RPH3A: variants seen among roughly 807,000 people sequenced by gnomAD.
RPH3A encodes the protein rabphilin-3A.
In RPH3A, 48 loss-of-function variants were observed where a neutral mutation model predicts 102.2. The observed-to-expected ratio is 0.47, with a 90% CI of 0.37 to 0.60. The LOEUF (loss-of-function observed/expected upper bound fraction) is 0.60. RPH3A is among the 20% of genes least tolerant of loss of function. RPH3A has a pLI of 0.00. For synonymous variants in RPH3A, 310 were observed against 324.3 expected (o/e 0.96, Z 0.47); for missense variants, 781 against 910.1 (o/e 0.86, Z 1.83).
In RPH3A at chr12:112,791,903, A is replaced by AGAGG. The variant is rs1565882498; in HGVS notation, c.-247_-246insGGGA. On this transcript the variant is annotated 5_prime_UTR_variant, in exon 1 of 22. Coordinates refer to ENST00000389385, the MANE Select transcript of RPH3A (RefSeq NM_001143854.2). ...GAGAGAGAGAGAGAGAGAGAGAGAG[A>AGAGG]GACTCACAGAGCTAAAACCTTCATC... The AGAGG allele has an allele frequency of 1.3e-5, 2 of 150,206 alleles. No individual in the cohort carries two copies. The highest frequency in any genetic ancestry group is 6.6e-5 in the Admixed American group (1 of 15,116). The allele number at this position is 150,206 out of a possible 1,614,324, so 9.3% of individuals were successfully genotyped here.
chr12:112,732,368 C>T (rs2040640765), intron 1 of RPH3A, among the ~76,000 whole-genome samples: 1 of 152,220 alleles, frequency 6.6e-6, no homozygotes, highest in Admixed American at 6.5e-5. Flanking sequence ...CCCCGCTCTC[C>T]ATTTGCTAGC....
chr12:112,819,556 GT>G (rs1414551874), intron 2 of RPH3A, among the ~76,000 whole-genome samples: 4 of 152,242 alleles, frequency 2.6e-5, no homozygotes. Context: ...TCACCAGCCA[GT>G]TTTTGCTGTG....
chr12:112,696,507 G>T (rs928628072), intron 1 of RPH3A, among the ~76,000 whole-genome samples: 1 of 152,188 alleles, frequency 6.6e-6, no homozygotes, highest in Non-Finnish European at 1.5e-5. Context: ...TATGGTGAAG[G>T]TGGGACCTCT....
At chr12:112,707,353 G>A (rs199511113) in intron 1 of RPH3A, among the ~76,000 whole-genome samples, 3 of 152,096 alleles carry the variant, frequency 2.0e-5, no homozygotes, top group African/African-American at 7.2e-5. Context: ...TATGATAATT[G>A]GTTTAGATAC....
chr12:112,887,029 A>G (rs1368570230), intron 16 of RPH3A, among the ~76,000 whole-genome samples: 1 of 152,216 alleles, frequency 6.6e-6, no homozygotes, highest in Non-Finnish European at 1.5e-5. Flanking sequence ...ATAAAGAGTG[A>G]CCAGAACCTT....
At chr12:112,875,397 G>A (rs897223820) in intron 11 of RPH3A, among the ~76,000 whole-genome samples, 3 of 152,158 alleles carry the variant, frequency 2.0e-5, no homozygotes, top group Admixed American at 6.5e-5. Context: ...AGTGCAGAAA[G>A]TGATGGCACC....
At chr12:112,712,884 TC>T (rs1565856631) in intron 1 of RPH3A, among the ~76,000 whole-genome samples, 48 of 138,860 alleles carry the variant, frequency 3.5e-4, no homozygotes, top group South Asian at 1.3e-3. Context: ...TTTTTTTTCT[TC>T]TTCTTCTTCT....
At chr12:112,887,566 T>C (rs1361242701) in intron 16 of RPH3A, among the ~76,000 whole-genome samples, 7 of 152,218 alleles carry the variant, frequency 4.6e-5, no homozygotes, top group African/African-American at 1.2e-4. Context: ...TATATACAAA[T>C]GCAAGGGTTC....
At chr12:112,735,659 TA>T (rs1265677582) in intron 1 of RPH3A, among the ~76,000 whole-genome samples, 1 of 152,170 alleles carries the variant, frequency 6.6e-6, no homozygotes, top group Non-Finnish European at 1.5e-5. Flanking sequence ...CTGCCAGAGT[TA>T]GGCACCCAGA....
At chr12:112,687,925 C>T (rs2040278599) in intron 1 of RPH3A, among the ~76,000 whole-genome samples, 1 of 152,188 alleles carries the variant, frequency 6.6e-6, no homozygotes, top group Admixed American at 6.5e-5. Flanking sequence ...TATCTACTCC[C>T]TTTATATAAA....
At chr12:112,873,126 A>G (rs1363161383) in intron 10 of RPH3A, among the ~76,000 whole-genome samples, 1 of 152,208 alleles carries the variant, frequency 6.6e-6, no homozygotes, top group Non-Finnish European at 1.5e-5. Context: ...TCAAATACTT[A>G]CAGATTTGAA....
In RPH3A at chr12:112,841,689, G is replaced by GT. The variant is rs1177957466; in HGVS notation, c.83+5195dup. ...AGATTGATCTGAATCTAAAGCTTGAGTTTTTTTTGTTTTTTTGGTTTTTTT... is the reference window on the plus strand; with the variant it reads ...AGATTGATCTGAATCTAAAGCTTGAGTTTTTTTTTGTTTTTTTGGTTTTTTT... On this transcript the variant is annotated intron_variant, in intron 4 of 21. Transcript: ENST00000389385. Among the ~76,000 whole-genome samples, 21 of 137,548 alleles carry GT rather than the reference G, an allele frequency of 1.5e-4. 1 individual carries two copies. The South Asian group carries it at 3.8e-3, about 25-fold the overall frequency. 90.2% of individuals were successfully genotyped at this position (137,548 alleles called of 152,430 possible).
At chr12:112,621,740 T>C (rs1302053154) in intron 1 of RPH3A, among the ~76,000 whole-genome samples, 29 of 152,112 alleles carry the variant, frequency 1.9e-4, no homozygotes, top group East Asian at 3.9e-4. Flanking sequence ...ACTGTAGGCT[T>C]CACCTCTGGG....
intron 5 of RPH3A, among the ~76,000 whole-genome samples, chr12:112,853,804 G>T (rs1179195202): frequency 1.3e-5 from 2 of 151,968 alleles, no homozygotes; most frequent in Admixed American, 6.6e-5. Context: ...CTCCAGCCTG[G>T]GTGACAGAGC....
At chr12:112,862,012 CAAAAA>C (rs56918360) in intron 5 of RPH3A, among the ~76,000 whole-genome samples, 1 of 78,492 alleles carries the variant, frequency 1.3e-5, no homozygotes, top group African/African-American at 4.9e-5. Flanking sequence ...GACTCCGTCT[CAAAAA>C]AAAAAAAAAA....
At chr12:112,769,502 C>T (rs2136071523) in intron 1 of RPH3A, among the ~76,000 whole-genome samples, 1 of 152,344 alleles carries the variant, frequency 6.6e-6, no homozygotes, top group East Asian at 1.9e-4. Flanking sequence ...ATTGTCTTAG[C>T]TAACCTTGTA....
At chr12:112,825,642 T>C (rs2041855563) in intron 2 of RPH3A, among the ~76,000 whole-genome samples, 3 of 152,158 alleles carry the variant, frequency 2.0e-5, no homozygotes, top group African/African-American at 7.2e-5. Flanking sequence ...GGAGACTCTT[T>C]CACACATTCA....
chr12:112,663,364 C>T (rs1367556695), intron 1 of RPH3A, among the ~76,000 whole-genome samples: 2 of 151,752 alleles, frequency 1.3e-5, no homozygotes, highest in East Asian at 2.0e-4. Context: ...TGTGTGTTAC[C>T]ATGCCTGACT....
chr12:112,834,118 T>C (rs546992539), intron 3 of RPH3A, among the ~76,000 whole-genome samples: 1 of 152,314 alleles, frequency 6.6e-6, no homozygotes, highest in East Asian at 1.9e-4. Flanking sequence ...CCCTTTATAG[T>C]TCCTCCTTCT....
Sources: allele counts gnomAD v4.1 joint callset (sites outside exome capture counted in the v4.1 genomes callset), GRCh38; gene constraint gnomAD v4.1.1; transcripts MANE v1.5; gene names NCBI Gene and HGNC (gene_info 2026-07-23, HGNC 2026-07-21).